KAZN: variants seen among roughly 807,000 people sequenced by gnomAD.
KAZN encodes the protein kazrin.
KAZN carries 40 observed loss-of-function variants against 87.4 expected under a neutral mutation model. That is an observed-to-expected ratio of 0.46 (90% confidence interval 0.36 to 0.60). The LOEUF (loss-of-function observed/expected upper bound fraction) is 0.60. Among genes scored for constraint, KAZN ranks in the 20% least tolerant of loss-of-function variants. The pLI, the probability that KAZN is intolerant of heterozygous loss-of-function variation, is 0.00. For synonymous variants in KAZN, 466 were observed against 458.3 expected, an observed-to-expected ratio of 1.02 and a Z score of -0.22; for missense variants, 898 against 1,073.9, an observed-to-expected ratio of 0.84 and a Z score of 2.29.
rs141537126 is a variant in KAZN, at chr1:14,658,127, G to A, written c.226+58904G>A. ...AGTAGGGCTGGGGAAGCCTTGAGAGGATCTGGAAGGGGGAATTTCCAAAGC... is the reference window on the plus strand; with the variant it reads ...AGTAGGGCTGGGGAAGCCTTGAGAGAATCTGGAAGGGGGAATTTCCAAAGC... On this transcript the variant is annotated intron_variant, in intron 1 of 14. Coordinates refer to ENST00000376030, the MANE Select transcript of KAZN (RefSeq NM_201628.3). 2.2e-3 allele frequency among the ~76,000 whole-genome samples: 335 copies of A among 152,266 alleles called. 1 individual carries two copies. Among genetic ancestry groups the A allele is most frequent in the African/African-American group, 7.9e-3 (330 of 41,538 alleles).
intron 1 of KAZN, among the ~76,000 whole-genome samples, chr1:14,789,875 C>T (rs1309753267): frequency 1.3e-5 from 2 of 150,946 alleles, no homozygotes; most frequent in African/African-American, 4.9e-5. Context: ...CTACAAATTG[C>T]TCCAGGCACG....
intron 2 of KAZN, among the ~76,000 whole-genome samples, chr1:15,001,177 C>G (rs1668422393): frequency 6.6e-6 from 1 of 151,566 alleles, no homozygotes. Context: ...AGTTCTGCAA[C>G]ATGCCTGGGC....
intron 1 of KAZN, among the ~76,000 whole-genome samples, chr1:14,947,104 G>A (rs545718235): frequency 1.3e-5 from 2 of 152,218 alleles, no homozygotes; most frequent in Non-Finnish European, 2.9e-5. Flanking sequence ...GGGAAAGAAA[G>A]CAGGGCTGGG....
rs34273060 is a variant in KAZN, at chr1:14,108,033, A to C, written c.92-72402A>C. ...TTCAGAATCTATCTATCCTTGAACA[A>C]CTTCCAATTTACCCTCCACATTGCC... On this transcript the variant is annotated intron_variant, in intron 1 of 16. Transcript: ENST00000636203. 0.017 allele frequency among the ~76,000 whole-genome samples: 2,573 copies of C among 152,094 alleles called. 132 individuals carry two copies. The East Asian group carries it at 0.2, about 12-fold the overall frequency.
intron 2 of KAZN, among the ~76,000 whole-genome samples, chr1:14,197,179 G>A (rs575075453): frequency 1.3e-5 from 2 of 152,006 alleles, no homozygotes; most frequent in Non-Finnish European, 2.9e-5. Context: ...CCAGTAGTTA[G>A]AGAAGAATAT....
At chr1:14,029,621 G>A (rs935324305) in intron 1 of KAZN, among the ~76,000 whole-genome samples, 6 of 151,402 alleles carry the variant, frequency 4.0e-5, no homozygotes, top group African/African-American at 1.5e-4. Context: ...TAACGTTTAA[G>A]TCTTTAATCC....
chr1:14,783,805 G>T (rs909854573), intron 1 of KAZN, among the ~76,000 whole-genome samples: 17 of 152,164 alleles, frequency 1.1e-4, no homozygotes, highest in African/African-American at 3.1e-4. Context: ...GCGCACAAGA[G>T]ACCTGGCCTG....
At chr1:15,033,411 T>G (rs1189776168) in intron 2 of KAZN, among the ~76,000 whole-genome samples, 1 of 152,238 alleles carries the variant, frequency 6.6e-6, no homozygotes, top group Non-Finnish European at 1.5e-5. Context: ...GACATATGTT[T>G]TCATAGCTCT....
At chr1:14,068,401 T>C (rs1014970392) in intron 1 of KAZN, among the ~76,000 whole-genome samples, 4 of 152,178 alleles carry the variant, frequency 2.6e-5, no homozygotes, top group Admixed American at 2.6e-4. Context: ...AAATACCTGG[T>C]AAGCTGTCTC....
At chr1:14,802,742 G>A (rs1646081105) in intron 1 of KAZN, among the ~76,000 whole-genome samples, 1 of 152,202 alleles carries the variant, frequency 6.6e-6, no homozygotes, top group South Asian at 2.1e-4. Flanking sequence ...ACCCTGTTGG[G>A]CCAGCTGGCC....
intron 2 of KAZN, among the ~76,000 whole-genome samples, chr1:14,334,032 G>T (rs550942467): frequency 3.0e-4 from 46 of 151,994 alleles, no homozygotes; most frequent in African/African-American, 1.1e-3. Context: ...AGGAGGCATG[G>T]CCATCACAAG....
intron 1 of KAZN, among the ~76,000 whole-genome samples, chr1:14,935,090 C>T (rs1365688078): frequency 6.6e-6 from 1 of 152,158 alleles, no homozygotes; most frequent in Non-Finnish European, 1.5e-5. Flanking sequence ...CCTGGGTGCA[C>T]CAGCGGCTGA....
At chr1:14,595,377 G>A (rs75056475), upstream of KAZN, among the ~76,000 whole-genome samples, 266 of 152,026 alleles carry the variant, frequency 1.7e-3, 2 homozygotes, top group East Asian at 0.04. Flanking sequence ...TAAAGCCTGG[G>A]GATAAGAAAC....
chr1:14,827,291 A>AG (rs1646919189), intron 1 of KAZN, among the ~76,000 whole-genome samples: 1 of 152,124 alleles, frequency 6.6e-6, no homozygotes, highest in South Asian at 2.1e-4. Context: ...TTTGGGGTAC[A>AG]GGTGGCATTT....
At chr1:14,542,950 A>G (rs561230270) in intron 2 of KAZN, among the ~76,000 whole-genome samples, 1 of 131,424 alleles carries the variant, frequency 7.6e-6, no homozygotes, top group South Asian at 2.7e-4. Context: ...GCTCTTGGGT[A>G]TGGAAAAGAT....
intron 1 of KAZN, among the ~76,000 whole-genome samples, chr1:14,903,432 T>C (rs1445548147): frequency 6.6e-6 from 1 of 152,198 alleles, no homozygotes; most frequent in Non-Finnish European, 1.5e-5. Flanking sequence ...GAGCGGGCCA[T>C]CTGTGCCACT....
chr1:14,377,968 C>T (rs1409144213), intron 2 of KAZN, among the ~76,000 whole-genome samples: 3 of 152,220 alleles, frequency 2.0e-5, no homozygotes, highest in Non-Finnish European at 4.4e-5. Context: ...TTACCCCCAG[C>T]TGACAACCAC....
At chr1:14,151,000 A>C (rs902129117) in intron 1 of KAZN, among the ~76,000 whole-genome samples, 7 of 152,138 alleles carry the variant, frequency 4.6e-5, no homozygotes, top group Non-Finnish European at 1.0e-4. Flanking sequence ...GTATATTCTC[A>C]ATTATATATG....
intron 1 of KAZN, among the ~76,000 whole-genome samples, chr1:14,758,772 GAGAGCGATT>G (rs1229334722): frequency 6.6e-6 from 1 of 152,220 alleles, no homozygotes; most frequent in East Asian, 1.9e-4. Flanking sequence ...GGGAAGCAGT[GAGAGCGATT>G]AGAACCTCTG....
Sources: gnomAD v4.1 joint callset for allele counts (sites outside exome capture counted in the v4.1 genomes callset) on GRCh38, gnomAD v4.1.1 for gene constraint, MANE v1.5 for transcripts, NCBI Gene and HGNC (gene_info 2026-07-23, HGNC 2026-07-21) for gene names.